Variants in MUC7 observed in about 807,000 individuals in gnomAD.
The protein encoded by MUC7 is mucin-7.
MUC7 carries 2 observed loss-of-function variants against 2.5 expected under a neutral mutation model. That is an observed-to-expected ratio of 0.81 (90% CI 0.33 to 2.55). MUC7 has a LOEUF of 2.55. Among genes scored for constraint, MUC7 ranks in the 30% most tolerant of loss-of-function variants. MUC7 has a pLI of 0.11. For synonymous variants in MUC7, 133 were observed against 173.4 expected, an observed-to-expected ratio of 0.77 and a Z score of 1.83; for missense variants, 408 against 455.6, an observed-to-expected ratio of 0.90 and a Z score of 0.95.
At chr4:70,459,524 T>A (rs886718511) in intron 1 of MUC7, among the ~76,000 whole-genome samples, 1 of 152,128 alleles carries the variant, frequency 6.6e-6, no homozygotes, top group African/African-American at 2.4e-5. Flanking sequence ...GGCACATGTA[T>A]ACATATGTAA....
At chr4:70,443,522 C>T (rs1367040928) in intron 1 of MUC7, among the ~76,000 whole-genome samples, 39 of 152,106 alleles carry the variant, frequency 2.6e-4, no homozygotes, top group African/African-American at 2.4e-5. Flanking sequence ...CCCATATCAA[C>T]CTAAACCTGT....
chr4:70,431,443 T>C (rs1478050324), intron 1 of MUC7, among the ~76,000 whole-genome samples: 2 of 152,080 alleles, frequency 1.3e-5, no homozygotes, highest in Admixed American at 1.3e-4. Context: ...GTATTTTTCA[T>C]GAATTTAAGA....
intron 2 of MUC7, among the ~76,000 whole-genome samples, chr4:70,478,518 C>T (rs1374220189): frequency 6.6e-6 from 1 of 152,206 alleles, no homozygotes; most frequent in East Asian, 1.9e-4. Context: ...CATCCAGGCA[C>T]ATTAAGTGAC....
At chr4:70,463,649 T>C (rs1487143930) in intron 1 of MUC7, among the ~76,000 whole-genome samples, 4 of 152,228 alleles carry the variant, frequency 2.6e-5, no homozygotes, top group African/African-American at 7.2e-5. Flanking sequence ...TGGTGATTTG[T>C]AGTCCACATG....
rs187658771 is a variant in MUC7 at position 70,475,450 on chromosome 4, C to T, written c.54+1375C>T. Among the ~76,000 whole-genome samples the T allele has an allele frequency of 2.3e-3, 344 of 152,056 alleles. 1 individual carries two copies. Among genetic ancestry groups the T allele is most frequent in the African/African-American group, 7.7e-3 (318 of 41,478 alleles). The stretch of plus-strand genomic sequence containing the variant: ...GTCTATATTTAAAACATACTTGAAG[C>T]CATGAAACCTTACAACATTTTCACC... On this transcript the variant is annotated intron_variant, in intron 2 of 2. Transcript: ENST00000304887.
upstream of MUC7, among the ~76,000 whole-genome samples, chr4:70,467,263 T>C (rs553070078): frequency 5.5e-3 from 841 of 152,274 alleles, 5 homozygotes; most frequent in Non-Finnish European, 8.5e-3. Flanking sequence ...TAAAGCAGTG[T>C]TTGGAGGGAA....
chr4:70,475,003 G>A (rs759740338), intron 2 of MUC7, among the ~76,000 whole-genome samples: 3 of 152,164 alleles, frequency 2.0e-5, no homozygotes, highest in Non-Finnish European at 4.4e-5. Context: ...AACAGGCCGG[G>A]CGCGGTGGCT....
chr4:70,459,495 G>A (rs1486926796), intron 1 of MUC7, among the ~76,000 whole-genome samples: 3 of 152,106 alleles, frequency 2.0e-5, no homozygotes, highest in Non-Finnish European at 4.4e-5. Context: ...ACTAGTTAAT[G>A]GGTGCAGCAC....
intron 1 of MUC7, among the ~76,000 whole-genome samples, chr4:70,461,612 T>C (rs1734558168): frequency 2.0e-5 from 3 of 152,188 alleles, no homozygotes; most frequent in Non-Finnish European, 4.4e-5. Flanking sequence ...TACAAAATGC[T>C]ATCTTTAAAG....
At chr4:70,434,921 G>A (rs140915033) in intron 1 of MUC7, among the ~76,000 whole-genome samples, 448 of 152,038 alleles carry the variant, frequency 2.9e-3, no homozygotes, top group Non-Finnish European at 5.4e-3. Context: ...TGTTCTCGTT[G>A]GTTTCAAAGA....
intron 1 of MUC7, among the ~76,000 whole-genome samples, chr4:70,447,737 T>G (rs997783786): frequency 1.3e-5 from 2 of 152,212 alleles, no homozygotes; most frequent in Non-Finnish European, 2.9e-5. Context: ...AATCACATCA[T>G]GGAGAATGGG....
At chr4:70,465,543 GA>G (rs1734662534) in intron 1 of MUC7, among the ~76,000 whole-genome samples, 3 of 152,258 alleles carry the variant, frequency 2.0e-5, no homozygotes, top group Non-Finnish European at 4.4e-5. Flanking sequence ...CCAGTTTAGA[GA>G]AGACCATAAT....
intron 1 of MUC7, among the ~76,000 whole-genome samples, chr4:70,453,597 G>T (rs1021357346): frequency 6.6e-6 from 1 of 152,180 alleles, no homozygotes; most frequent in African/African-American, 2.4e-5. Flanking sequence ...GACCCCAAGA[G>T]CCCATTTGGT....
At chr4:70,455,547 G>A (rs765387371) in intron 1 of MUC7, among the ~76,000 whole-genome samples, 18 of 152,254 alleles carry the variant, frequency 1.2e-4, no homozygotes, top group South Asian at 8.3e-4. Context: ...AGTGTGAGCT[G>A]TTGAGTGCCT....
At chr4:70,473,777 T>C (rs190874574) in intron 1 of MUC7, among the ~76,000 whole-genome samples, 116 of 152,330 alleles carry the variant, frequency 7.6e-4, no homozygotes, top group African/African-American at 2.5e-3. Flanking sequence ...TTTTGCAAAC[T>C]AGTTAGAATA....
upstream of MUC7, among the ~76,000 whole-genome samples, chr4:70,470,962 G>A (rs1335042862): frequency 6.6e-6 from 1 of 152,090 alleles, no homozygotes; most frequent in Non-Finnish European, 1.5e-5. Flanking sequence ...CACCTAATTA[G>A]CAGATAGAAA....
intron 1 of MUC7, among the ~76,000 whole-genome samples, chr4:70,451,683 G>A (rs1734285072): frequency 6.6e-6 from 1 of 152,082 alleles, no homozygotes; most frequent in Non-Finnish European, 1.5e-5. Flanking sequence ...GACCTAACAT[G>A]TGGTATATTT....
intron 2 of MUC7, among the ~76,000 whole-genome samples, chr4:70,477,743 C>T (rs1046788647): frequency 6.6e-5 from 10 of 152,040 alleles, no homozygotes; most frequent in Non-Finnish European, 1.5e-4. Flanking sequence ...AGATAATAAC[C>T]GTACCCACCT....
At chr4:70,468,473 T>C (rs940871553), upstream of MUC7, among the ~76,000 whole-genome samples, 2 of 152,128 alleles carry the variant, frequency 1.3e-5, no homozygotes, top group Non-Finnish European at 2.9e-5. Flanking sequence ...TCAAATTGTC[T>C]CTGTTTGCAG....
Sources: allele counts gnomAD v4.1 joint callset (sites outside exome capture counted in the v4.1 genomes callset), GRCh38; gene constraint gnomAD v4.1.1; transcripts MANE v1.5; gene names NCBI Gene and HGNC (gene_info 2026-07-23, HGNC 2026-07-21).